KAT6B: variants seen among roughly 807,000 people sequenced by gnomAD.
KAT6B encodes lysine acetyltransferase 6B.
A neutral mutation model predicts 187.5 loss-of-function variants in KAT6B; 10 were observed. The observed-to-expected ratio is 0.05, with a 90% CI of 0.03 to 0.09. KAT6B has a LOEUF of 0.09. Ranked by LOEUF, KAT6B falls within the 10% of genes least tolerant of loss-of-function variation. The pLI, the probability that KAT6B is intolerant of heterozygous loss-of-function variation, is 1.00. For synonymous variants in KAT6B, 861 were observed against 926.8 expected, an observed-to-expected ratio of 0.93 and a Z score of 1.29; for missense variants, 1,952 against 2,558.9, an observed-to-expected ratio of 0.76 and a Z score of 5.12.
intron 3 of KAT6B, among the ~76,000 whole-genome samples, chr10:74,893,983 T>C (rs16931812): frequency 0.023 from 3,561 of 152,336 alleles, 139 homozygotes; most frequent in African/African-American, 0.081. Flanking sequence ...ACTAAATTTG[T>C]TGATGTAACA....
intron 3 of KAT6B, among the ~76,000 whole-genome samples, chr10:74,927,988 T>C (rs1320743261): frequency 6.6e-6 from 1 of 152,228 alleles, no homozygotes; most frequent in Non-Finnish European, 1.5e-5. Context: ...AGAAATGGTC[T>C]ACCTGGCATA....
At chr10:74,879,374 A>G (rs1844680990) in intron 3 of KAT6B, among the ~76,000 whole-genome samples, 2 of 152,188 alleles carry the variant, frequency 1.3e-5, no homozygotes, top group South Asian at 4.2e-4. Flanking sequence ...CTGTTGTCCA[A>G]AAATATGGAA....
At chr10:74,909,839 G>A (rs562360408) in intron 3 of KAT6B, among the ~76,000 whole-genome samples, 20 of 152,238 alleles carry the variant, frequency 1.3e-4, no homozygotes, top group South Asian at 8.3e-4. Flanking sequence ...GGTAAGCAGA[G>A]TGCCCAGTTT....
Position 74,827,526 on chromosome 10 carries a change from CGT to C in KAT6B, c.-329+743_-329+744del, listed in dbSNP as rs1250914929. 2.6e-5 allele frequency among the ~76,000 whole-genome samples: 4 copies of C among 151,882 alleles called. No individual in the cohort carries two copies. The East Asian group carries it at 5.8e-4, about 22-fold the overall frequency. On this transcript the variant is annotated intron_variant, in intron 1 of 17. Coordinates refer to ENST00000287239, the MANE Select transcript of KAT6B (RefSeq NM_012330.4). ...TGGGGTATGAAGTATTTTTTAAAAA[CGT>C]GGAAGGATGGGATGGTTGTGCTTGG...
At chr10:74,909,824 T>G (rs928412757) in intron 3 of KAT6B, among the ~76,000 whole-genome samples, 1 of 152,176 alleles carries the variant, frequency 6.6e-6, no homozygotes, top group African/African-American at 2.4e-5. Flanking sequence ...TTGTAGTATT[T>G]ATAGGGTAAG....
chr10:74,911,644 CCTGT>C (rs1288046297), intron 3 of KAT6B, among the ~76,000 whole-genome samples: 1 of 151,760 alleles, frequency 6.6e-6, no homozygotes, highest in East Asian at 1.9e-4. Context: ...TGATGCCTCC[CCTGT>C]CTTTCTTCTC....
At chr10:74,897,177 G>T (rs1036860813) in intron 3 of KAT6B, among the ~76,000 whole-genome samples, 7 of 152,130 alleles carry the variant, frequency 4.6e-5, no homozygotes, top group Non-Finnish European at 1.0e-4. Context: ...ATTTCAGAGA[G>T]CCCTTTTTGT....
At chr10:74,992,163 A>C (rs1843158696) in intron 13 of KAT6B, among the ~76,000 whole-genome samples, 1 of 152,146 alleles carries the variant, frequency 6.6e-6, no homozygotes, top group South Asian at 2.1e-4. Context: ...CAGTAAGTCA[A>C]ATGAGGTTGT....
rs575570412 is a variant in KAT6B at position 74,960,161 on chromosome 10, A to G, written c.730+83A>G. On this transcript the variant is annotated intron_variant, in intron 4 of 17. Coordinates refer to ENST00000287239, the MANE Select transcript of KAT6B (RefSeq NM_012330.4). ...CTATTTGTCTCTCTATTAAAACTGT[A>G]TTGTTATTTAAGGCAGTTATATGGT... 3.3e-5 allele frequency: 31 copies of G among 946,828 alleles called. No homozygotes were observed. The African/African-American group carries it at 4.2e-4, about 13-fold the overall frequency. The allele number at this position is 946,828 out of a possible 1,614,324, so 58.7% of individuals were successfully genotyped here. A position where few individuals can be genotyped will look rare whatever the true frequency, so the allele number is the denominator to read the frequency against.
At chr10:74,861,948 A>C (rs1843217480) in intron 3 of KAT6B, among the ~76,000 whole-genome samples, 1 of 152,014 alleles carries the variant, frequency 6.6e-6, no homozygotes, top group African/African-American at 2.4e-5. Flanking sequence ...TGATTTGACG[A>C]TGGGCCTCTC....
chr10:74,846,584 G>A (rs982637396), intron 3 of KAT6B, among the ~76,000 whole-genome samples: 1 of 152,048 alleles, frequency 6.6e-6, no homozygotes, highest in Non-Finnish European at 1.5e-5. Context: ...GACTACAGGA[G>A]CGTGCCACCA....
At chr10:74,921,328 G>A (rs183264365) in intron 3 of KAT6B, among the ~76,000 whole-genome samples, 58 of 152,162 alleles carry the variant, frequency 3.8e-4, no homozygotes, top group African/African-American at 1.2e-3. Flanking sequence ...TGGCCAGGCC[G>A]GTCTGGAACT....
At position 74,975,484 on chromosome 10, in the gene KAT6B, A is replaced by G. The variant is rs759569291; in HGVS notation, c.1147A>G (p.Thr383Ala). Residue 383 changes from threonine (T) to alanine (A), a missense_variant, in exon 8 of 18, where the codon ACA becomes GCA. Transcript: ENST00000287239. ...GRGQKTKVCTTPSSGHAASGK... is the reference protein window; with the variant it reads ...GRGQKTKVCTAPSSGHAASGK... ...GGGTCAAAAGACTAAAGTCTGTACCACACCTTCATCTGGTCATGCTGCATC... is the reference window on the plus strand; with the variant it reads ...GGGTCAAAAGACTAAAGTCTGTACCGCACCTTCATCTGGTCATGCTGCATC... 6.2e-7 allele frequency: 1 copy of G among 1,614,176 alleles called. No homozygotes were observed. The highest frequency in any genetic ancestry group is 8.5e-7 in the Non-Finnish European group (1 of 1,180,026).
intron 3 of KAT6B, among the ~76,000 whole-genome samples, chr10:74,881,469 C>T (rs950077723): frequency 4.6e-5 from 7 of 152,208 alleles, no homozygotes; most frequent in Admixed American, 1.3e-4. Context: ...CTGCCTTTGG[C>T]TTCTGGCTAT....
At chr10:75,021,715 ATCCTAACTGATGCAAAAGGT>A (rs1388400033) in intron 15 of KAT6B, among the ~76,000 whole-genome samples, 146 bp from the exon 16 acceptor site, 1 of 152,234 alleles carries the variant, frequency 6.6e-6, no homozygotes, top group Non-Finnish European at 1.5e-5. Context: ...TTGATTTGTT[ATCCTAACTGATGCAAAAGGT>A]TCCTGAGATG....
intron 1 of KAT6B, among the ~76,000 whole-genome samples, chr10:74,829,456 G>GA (rs1554911769): frequency 0.016 from 2,265 of 140,076 alleles, 47 homozygotes; most frequent in African/African-American, 0.056. Context: ...AAAGGAAATA[G>GA]TTTTTTTTTT....
chr10:74,900,978 G>A (rs1376051316), intron 3 of KAT6B, among the ~76,000 whole-genome samples: 1 of 151,986 alleles, frequency 6.6e-6, no homozygotes, highest in Non-Finnish European at 1.5e-5. Flanking sequence ...TCCTAAGTGT[G>A]TGTCCTTTGA....
rs994376609 is a variant in KAT6B, at chr10:74,864,770, T to C, written c.621+21292T>C. Among the ~76,000 whole-genome samples the C allele has an allele frequency of 2.6e-5, 4 of 152,320 alleles. 1 individual carries two copies. The highest frequency in any genetic ancestry group is 7.2e-5 in the African/African-American group (3 of 41,574). On this transcript the variant is annotated intron_variant, in intron 3 of 17. Coordinates refer to ENST00000287239, the MANE Select transcript of KAT6B (RefSeq NM_012330.4). ...CCACACATACAGAGGTCCAACTGTA[T>C]ATAAAGTAAAGAGTAAAAGTTTTAC...
chr10:74,944,808 C>CAAAAAAAAAAAA (rs58164194), intron 3 of KAT6B, among the ~76,000 whole-genome samples: 6 of 32,902 alleles, frequency 1.8e-4, no homozygotes, highest in African/African-American at 6.0e-4. Flanking sequence ...GACTCCGTCT[C>CAAAAAAAAAAAA]AAAAAAAAAA....
Sources: allele counts gnomAD v4.1 joint callset (sites outside exome capture counted in the v4.1 genomes callset), GRCh38; gene constraint gnomAD v4.1.1; transcripts MANE v1.5; gene names NCBI Gene and HGNC (gene_info 2026-07-23, HGNC 2026-07-21).